Variants in NR3C1 observed in about 807,000 individuals in gnomAD.
NR3C1 encodes the protein glucocorticoid receptor.
A neutral mutation model predicts 74.0 loss-of-function variants in NR3C1; 14 were observed. The observed-to-expected ratio is 0.19, with a 90% confidence interval of 0.12 to 0.30. The LOEUF (loss-of-function observed/expected upper bound fraction) is 0.30. Ranked by LOEUF, NR3C1 falls within the 10% of genes least tolerant of loss-of-function variation. The pLI is 1.00. For synonymous variants in NR3C1, 308 were observed against 332.5 expected, an observed-to-expected ratio of 0.93 and a Z score of 0.80; for missense variants, 695 against 909.8, an observed-to-expected ratio of 0.76 and a Z score of 3.04.
At chr5:143,306,834 ACAATATTTTGAGAAACTGCAGC>A (rs1385607534) in intron 4 of NR3C1, among the ~76,000 whole-genome samples, 97 of 150,310 alleles carry the variant, frequency 6.5e-4, no homozygotes, top group Non-Finnish European at 1.1e-3. Flanking sequence ...TATTTTTAAT[ACAATATTTTGAGAAACTGCAGC>A]CTAAATTGTA....
chr5:143,287,770 C>T (rs78184125), intron 7 of NR3C1, among the ~76,000 whole-genome samples: 2 of 152,150 alleles, frequency 1.3e-5, no homozygotes, highest in African/African-American at 4.8e-5. Context: ...ATTAGCAAAC[C>T]AAATTCAAAA....
intron 7 of NR3C1, among the ~76,000 whole-genome samples, chr5:143,283,362 A>G (rs1813555859): frequency 6.6e-6 from 1 of 152,182 alleles, no homozygotes; most frequent in African/African-American, 2.4e-5. Context: ...TCATCTATAA[A>G]ATGGAAGTGG....
chr5:143,380,907 C>T (rs1484854804), intron 2 of NR3C1, among the ~76,000 whole-genome samples: 2 of 152,068 alleles, frequency 1.3e-5, no homozygotes, highest in South Asian at 2.1e-4. Context: ...GACAAGAGTG[C>T]CCACTGTTAT....
chr5:143,406,408 C>CAA (rs76118247), upstream of NR3C1, among the ~76,000 whole-genome samples: 27 of 108,124 alleles, frequency 2.5e-4, no homozygotes, highest in African/African-American at 2.1e-4. Context: ...TTTAATTGAG[C>CAA]AAAAAAAAAA....
intron 2 of NR3C1, among the ~76,000 whole-genome samples, chr5:143,388,680 G>A (rs542948881): frequency 1.3e-5 from 2 of 152,252 alleles, no homozygotes; most frequent in African/African-American, 2.4e-5. Flanking sequence ...AAACCATGTG[G>A]GTATCTGGGG....
intron 4 of NR3C1, among the ~76,000 whole-genome samples, chr5:143,306,142 C>T (rs546273859): frequency 6.6e-6 from 1 of 152,062 alleles, no homozygotes; most frequent in Non-Finnish European, 1.5e-5. Flanking sequence ...AAAATCTTAT[C>T]TGTTCTTAAA....
intron 1 of NR3C1, among the ~76,000 whole-genome samples, chr5:143,425,319 A>G (rs1237897454): frequency 6.6e-6 from 1 of 152,200 alleles, no homozygotes; most frequent in Non-Finnish European, 1.5e-5. Context: ...TTTGTTAGTT[A>G]CAATACCAAA....
chr5:143,282,927 A>C (rs570708393), intron 7 of NR3C1, among the ~76,000 whole-genome samples: 41 of 146,280 alleles, frequency 2.8e-4, no homozygotes, highest in Non-Finnish European at 5.5e-4. Context: ...CTGTAGGCAC[A>C]AGCCACCATG....
At chr5:143,426,465 A>G (rs926765820) in intron 1 of NR3C1, among the ~76,000 whole-genome samples, 2 of 152,238 alleles carry the variant, frequency 1.3e-5, no homozygotes, top group African/African-American at 4.8e-5. Flanking sequence ...ATTGATACAA[A>G]TCAGCTAAAA....
chr5:143,288,765 A>G (rs965991078), intron 7 of NR3C1, among the ~76,000 whole-genome samples: 4 of 152,006 alleles, frequency 2.6e-5, no homozygotes, highest in Admixed American at 1.3e-4. Flanking sequence ...GAACTACCAC[A>G]CCCAGCCCCA....
chr5:143,345,973 G>A (rs1829205351), intron 2 of NR3C1, among the ~76,000 whole-genome samples: 1 of 152,166 alleles, frequency 6.6e-6, no homozygotes, highest in Non-Finnish European at 1.5e-5. Flanking sequence ...ACCTACTGAT[G>A]ATGTTAAGTG....
chr5:143,279,208 A>G lies in NR3C1; in HGVS notation c.*2681T>C. 1.2e-6 allele frequency: 1 copy of G among 800,198 alleles called. No homozygotes were observed. The highest frequency in any genetic ancestry group is 1.9e-6 in the Non-Finnish European group (1 of 524,746). The allele number at this position is 800,198 out of a possible 1,614,324, so 49.6% of individuals were successfully genotyped here. ...AAGATGACTTTCTTTTCCCCCACGTATCCTAAAAGGGCACAGCTTCTTTTC... is the reference window on the plus strand; with the variant it reads ...AAGATGACTTTCTTTTCCCCCACGTGTCCTAAAAGGGCACAGCTTCTTTTC... On this transcript the variant is annotated 3_prime_UTR_variant, in exon 9 of 9. Coordinates refer to ENST00000394464, the MANE Select transcript of NR3C1 (RefSeq NM_000176.3).
chr5:143,434,304 C>T (rs1752015524), intron 1 of NR3C1, among the ~76,000 whole-genome samples: 1 of 152,206 alleles, frequency 6.6e-6, no homozygotes, highest in Non-Finnish European at 1.5e-5. Context: ...GCACTTGGCA[C>T]ATACTTGCTG....
At chr5:143,285,699 A>G (rs1814258914) in intron 7 of NR3C1, among the ~76,000 whole-genome samples, 1 of 152,190 alleles carries the variant, frequency 6.6e-6, no homozygotes, top group Non-Finnish European at 1.5e-5. Context: ...GTATCATAAA[A>G]TTAAAAATCT....
At chr5:143,435,510 C>G (rs1330279141) in exon 1 of NR3C1, 1 of 985,324 alleles carries the variant, frequency 1.0e-6, no homozygotes, top group African/African-American at 1.7e-5. Flanking sequence ...CCTTACATAA[C>G]CTGACCACAC....
chr5:143,387,349 T>A (rs1482669996), intron 2 of NR3C1, among the ~76,000 whole-genome samples: 5 of 152,240 alleles, frequency 3.3e-5, no homozygotes, highest in Non-Finnish European at 7.3e-5. Context: ...CCCTAATTTA[T>A]CTGGCTTTGA....
At chr5:143,379,351 T>C (rs778245644) in intron 2 of NR3C1, among the ~76,000 whole-genome samples, 3 of 152,184 alleles carry the variant, frequency 2.0e-5, no homozygotes, top group African/African-American at 7.2e-5. Context: ...TTCTGCAGGA[T>C]TGCAGAAATA....
At chr5:143,294,851 C>T (rs992100562) in intron 7 of NR3C1, 1 of 847,214 alleles carries the variant, frequency 1.2e-6, no homozygotes, top group Admixed American at 6.2e-5. Context: ...AGTATTCCAT[C>T]ATCTGGATGT....
chr5:143,317,989 C>CT (rs2151636329), intron 2 of NR3C1, among the ~76,000 whole-genome samples: 1 of 152,258 alleles, frequency 6.6e-6, no homozygotes, highest in South Asian at 2.1e-4. Context: ...TTCCAGTGCT[C>CT]TAATAGCTGT....
Sources: allele counts gnomAD v4.1 joint callset (sites outside exome capture counted in the v4.1 genomes callset), GRCh38; gene constraint gnomAD v4.1.1; transcripts MANE v1.5; gene names NCBI Gene and HGNC (gene_info 2026-07-23, HGNC 2026-07-21).